Variants in HFM1 observed in about 807,000 individuals in gnomAD.
The protein encoded by HFM1 is helicase for meiosis 1.
Under a neutral mutation model 192.1 loss-of-function variants are expected in HFM1, and 169 were observed. The ratio of observed to expected loss-of-function variants is 0.88; its 90% CI spans 0.78 to 1.00. HFM1 has a LOEUF of 1.00. HFM1 is among the 50% of genes least tolerant of loss of function. The probability of loss-of-function intolerance (pLI) is 0.00; values close to 1 mark genes in which losing one functional copy is unlikely to be tolerated. For missense variants in HFM1, 1,661 were observed against 1,668.0 expected (o/e 1.00, Z 0.07); for synonymous variants, 525 against 537.8 (o/e 0.98, Z 0.33).
intron 13 of HFM1, among the ~76,000 whole-genome samples, chr1:91,364,367 T>C (rs141227373): frequency 2.1e-3 from 325 of 152,000 alleles, no homozygotes; most frequent in African/African-American, 7.5e-3. Flanking sequence ...ACAGCCATTA[T>C]GGAAATAGTA....
chr1:91,333,321 T>C (rs112727094), intron 20 of HFM1, among the ~76,000 whole-genome samples: 22 of 152,096 alleles, frequency 1.4e-4, no homozygotes, highest in African/African-American at 5.3e-4. Context: ...GAACCCCAGG[T>C]CATTATGCTG....
chr1:91,295,948 T>G (rs984908757), intron 30 of HFM1, among the ~76,000 whole-genome samples: 12 of 152,188 alleles, frequency 7.9e-5, no homozygotes, highest in Non-Finnish European at 1.5e-4. Flanking sequence ...TCTTTTTTTT[T>G]GAGACGGAGT....
At chr1:91,400,776 G>C (rs375792616) in intron 2 of HFM1, among the ~76,000 whole-genome samples, 12 of 152,246 alleles carry the variant, frequency 7.9e-5, no homozygotes, top group African/African-American at 2.9e-4. Flanking sequence ...GAGCCACTGC[G>C]CCTGGCCCAA....
chr1:91,319,090 G>A lies in HFM1; in HGVS notation c.2800C>T (p.Leu934=), dbSNP rs75071351. The A allele has an allele frequency of 1.9e-3, 3,009 of 1,592,032 alleles. 86 individuals carry two copies. The East Asian group carries it at 0.057, about 30-fold the overall frequency. Residue 934 remains leucine (L), a synonymous_variant, in exon 25 of 39, where the codon CTG becomes TTG. Transcript: ENST00000370425. ...ATTCAGTACCTACCAATTTTTTCCA[G>A]TTGTTTGGATACATGCAGAGAGTTT... ...WENSLHVSKQ[L]EKIGITLSNA... is the part of the protein sequence containing the mutation.
intron 30 of HFM1, among the ~76,000 whole-genome samples, chr1:91,289,374 C>G (rs1668435433): frequency 6.6e-6 from 1 of 151,514 alleles, no homozygotes; most frequent in Non-Finnish European, 1.5e-5. Context: ...CCTCACTTCC[C>G]AGACTGGGCG....
At chr1:91,274,856 A>G in intron 32 of HFM1, 47 bp from the exon 33 acceptor site, 1 of 944,482 alleles carries the variant, frequency 1.1e-6, no homozygotes, top group Non-Finnish European at 1.7e-6. Flanking sequence ...TCACATCAAT[A>G]ACTTGTAACA....
At chr1:91,268,878 T>C (rs1570720804) in intron 34 of HFM1, among the ~76,000 whole-genome samples, 1 of 152,156 alleles carries the variant, frequency 6.6e-6, no homozygotes, top group East Asian at 1.9e-4. Flanking sequence ...AAGATGAAAA[T>C]ATTAATAAAA....
chr1:91,367,805 A>C (rs1015457261), intron 13 of HFM1, among the ~76,000 whole-genome samples: 1 of 152,176 alleles, frequency 6.6e-6, no homozygotes, highest in Admixed American at 6.5e-5. Context: ...AACTACTCCA[A>C]GCTAAAGGAG....
At chr1:91,378,544 T>C in intron 9 of HFM1, 64 bp from the exon 10 acceptor site, 1 of 985,376 alleles carries the variant, frequency 1.0e-6, no homozygotes, top group Non-Finnish European at 1.6e-6. Context: ...AATATTAAGA[T>C]ATCAAAAACA....
At chr1:91,309,798 TG>T (rs1650168759) in intron 30 of HFM1, among the ~76,000 whole-genome samples, 1 of 151,988 alleles carries the variant, frequency 6.6e-6, no homozygotes, top group Non-Finnish European at 1.5e-5. Context: ...TATGAATTCA[TG>T]ATGTCTTTTA....
Position 91,276,984 on chromosome 1 carries a change from C to T in HFM1, c.3470G>A (p.Cys1157Tyr), listed in dbSNP as rs74938180. Residue 1157 changes from cysteine to tyrosine, a missense_variant and splice_region_variant, in exon 31 of 39, where the codon TGC becomes TAC. Transcript: ENST00000370425. ...CKSKHTCGHD[C>Y]CKIGVAQKSE... The stretch of plus-strand genomic sequence containing the variant: ...TAAACTTGTTTTAAGGAACTCACAG[C>T]AGTCATGTCCACATGTATGTTTACT... 1,081 of 1,569,286 alleles carry T rather than the reference C, an allele frequency of 6.9e-4. 8 individuals are homozygous for T. The East Asian group carries it at 0.02, about 30-fold the overall frequency.
Position 91,375,705 on chromosome 1 carries a change from C to A in HFM1, c.1418G>T (p.Gly473Val). Reference sequence around the variant, plus strand: ...TTTCAGACACACAGCTGGTCTTTCACCATCTGAAAGCCATTCTGCAATCTT... The same window carrying A: ...TTTCAGACACACAGCTGGTCTTTCAACATCTGAAAGCCATTCTGCAATCTT... The part of the protein sequence containing the change: ...AEDIAEWLSD[G>V]ERPAVCLKMD... Residue 473 changes from glycine to valine, a missense_variant, in exon 12 of 39, where the codon GGT (glycine) becomes GTT (valine). Physicochemically the swap from Gly to Val is moderately radical, Grantham distance 109. Coordinates refer to ENST00000370425, the MANE Select transcript of HFM1 (RefSeq NM_001017975.6). The A allele has an allele frequency of 2.5e-6, 4 of 1,613,062 alleles. No individual in the cohort carries two copies. The highest frequency in any genetic ancestry group is 3.4e-6 in the Non-Finnish European group (4 of 1,179,364).
chr1:91,361,635 CTG>C (rs745797851), intron 13 of HFM1, among the ~76,000 whole-genome samples: 16 of 152,170 alleles, frequency 1.1e-4, no homozygotes, highest in Non-Finnish European at 2.2e-4. Context: ...CAAAGAAAAG[CTG>C]TCACCATTTC....
intron 13 of HFM1, among the ~76,000 whole-genome samples, chr1:91,360,925 C>T (rs1658409933): frequency 6.6e-6 from 1 of 152,144 alleles, no homozygotes; most frequent in Non-Finnish European, 1.5e-5. Flanking sequence ...GAAAACTGAA[C>T]AACCTGCTCC....
At chr1:91,346,004 C>T (rs928283486) in intron 19 of HFM1, among the ~76,000 whole-genome samples, 1 of 152,148 alleles carries the variant, frequency 6.6e-6, no homozygotes, top group African/African-American at 2.4e-5. Flanking sequence ...TTTCTGAAGG[C>T]TCCCATATCA....
intron 13 of HFM1, among the ~76,000 whole-genome samples, chr1:91,356,720 G>GA (rs61539547): frequency 1 from 148,463 of 148,822 alleles, 74,052 homozygotes; most frequent in Non-Finnish European, 1. Context: ...CTAGACTAAG[G>GA]AAAAAAAAAG....
intron 30 of HFM1, among the ~76,000 whole-genome samples, chr1:91,281,955 C>A (rs1667497622): frequency 6.6e-6 from 1 of 152,210 alleles, no homozygotes; most frequent in Non-Finnish European, 1.5e-5. Flanking sequence ...AAGACTATTA[C>A]ATTTTTAAAT....
In HFM1 at chr1:91,388,852, T is replaced by A. The variant is rs550512146; in HGVS notation, c.495-3018A>T. ...GCTGCGAAGAACACCATCAAAAAAG[T>A]GAAAACCCACAGAATGGGGGAAATA... On this transcript the variant is annotated intron_variant, in intron 4 of 38. Transcript: ENST00000370425. Among the ~76,000 whole-genome samples, 67 of 152,112 alleles carry A rather than the reference T, an allele frequency of 4.4e-4. 1 individual carries two copies. The highest frequency in any genetic ancestry group is 1.5e-3 in the African/African-American group (63 of 41,510).
intron 36 of HFM1, among the ~76,000 whole-genome samples, chr1:91,264,361 ATTTTTTTTTT>A (rs71087940): frequency 1.6e-3 from 92 of 57,096 alleles, no homozygotes; most frequent in Middle Eastern, 0.015. Flanking sequence ...CAAATTTAGT[ATTTTTTTTTT>A]TTTTTTTTTT....
Sources: gnomAD v4.1 joint callset for allele counts (sites outside exome capture counted in the v4.1 genomes callset) on GRCh38, gnomAD v4.1.1 for gene constraint, MANE v1.5 for transcripts, NCBI Gene and HGNC (gene_info 2026-07-23, HGNC 2026-07-21) for gene names.